Variants in NPAS3 observed in about 807,000 individuals in gnomAD.
The protein encoded by NPAS3 is neuronal PAS domain protein 3.
In NPAS3, 14 loss-of-function variants were observed where a neutral mutation model predicts 73.1. That is an observed-to-expected ratio of 0.19 (90% CI 0.13 to 0.30). The LOEUF (loss-of-function observed/expected upper bound fraction) is 0.30, where lower values mean the gene tolerates loss of function less well. Ranked by LOEUF, NPAS3 falls within the 10% of genes least tolerant of loss-of-function variation. NPAS3 has a pLI of 1.00. For missense variants in NPAS3, 1,096 were observed against 1,250.0 expected, an observed-to-expected ratio of 0.88 and a Z score of 1.86; for synonymous variants, 620 against 541.5, an observed-to-expected ratio of 1.14 and a Z score of -2.01.
chr14:33,325,863 T>C (rs183221597), intron 3 of NPAS3, among the ~76,000 whole-genome samples: 4 of 152,090 alleles, frequency 2.6e-5, no homozygotes, highest in Admixed American at 2.6e-4. Flanking sequence ...TTTTCAAATA[T>C]TTTGAAGTTA....
intron 2 of NPAS3, among the ~76,000 whole-genome samples, chr14:33,212,018 C>G (rs1453628211): frequency 6.6e-6 from 1 of 152,180 alleles, no homozygotes; most frequent in African/African-American, 2.4e-5. Context: ...AGACATACAA[C>G]CACAATACTT....
chr14:33,596,026 G>A (rs964697496), intron 5 of NPAS3, among the ~76,000 whole-genome samples: 1 of 152,124 alleles, frequency 6.6e-6, no homozygotes, highest in Non-Finnish European at 1.5e-5. Context: ...ACTTTACGTC[G>A]GTACCAATGT....
At chr14:33,237,172 T>C (rs903971414) in intron 3 of NPAS3, among the ~76,000 whole-genome samples, 9 of 152,074 alleles carry the variant, frequency 5.9e-5, no homozygotes, top group African/African-American at 2.2e-4. Context: ...ACTATAGAAA[T>C]GGAGTGTGGT....
At chr14:33,450,592 A>C (rs1353513571) in intron 4 of NPAS3, among the ~76,000 whole-genome samples, 1 of 152,152 alleles carries the variant, frequency 6.6e-6, no homozygotes, top group Non-Finnish European at 1.5e-5. Flanking sequence ...TCTTCATGGA[A>C]TCTTTCCTTA....
intron 6 of NPAS3, among the ~76,000 whole-genome samples, chr14:33,717,729 T>C (rs987562559): frequency 2.0e-5 from 3 of 152,140 alleles, no homozygotes; most frequent in African/African-American, 7.2e-5. Flanking sequence ...GGCCATGCTA[T>C]ATAAGCAACA....
At chr14:33,348,779 A>G (rs1365473499) in intron 3 of NPAS3, among the ~76,000 whole-genome samples, 1 of 152,064 alleles carries the variant, frequency 6.6e-6, no homozygotes, top group Non-Finnish European at 1.5e-5. Context: ...TTCCTCTTCT[A>G]TGGGGTTGTA....
intron 4 of NPAS3, among the ~76,000 whole-genome samples, chr14:33,383,647 AC>A (rs1160359222): frequency 6.6e-6 from 1 of 152,218 alleles, no homozygotes. Context: ...GTGATGATTA[AC>A]TGTGCCCAAG....
intron 5 of NPAS3, among the ~76,000 whole-genome samples, chr14:33,625,220 A>G (rs1003628354): frequency 6.6e-6 from 1 of 152,264 alleles, no homozygotes; most frequent in African/African-American, 2.4e-5. Flanking sequence ...GTCTTGACTA[A>G]TTAAAATATA....
intron 3 of NPAS3, among the ~76,000 whole-genome samples, chr14:33,265,673 C>T (rs1412748313): frequency 6.6e-6 from 1 of 152,086 alleles, no homozygotes; most frequent in East Asian, 1.9e-4. Context: ...TAGTAATTCA[C>T]CCAAGGTAAA....
intron 6 of NPAS3, among the ~76,000 whole-genome samples, chr14:33,690,884 A>AC (rs1199787400): frequency 6.6e-6 from 1 of 152,082 alleles, no homozygotes; most frequent in Non-Finnish European, 1.5e-5. Context: ...AAAAAAAAAA[A>AC]AAAACGATTC....
chr14:33,581,344 C>T (rs2056654893), intron 5 of NPAS3, among the ~76,000 whole-genome samples: 1 of 152,018 alleles, frequency 6.6e-6, no homozygotes, highest in Non-Finnish European at 1.5e-5. Context: ...CCTGACAAGT[C>T]CTTTAATTAA....
At chr14:33,434,170 C>T (rs569773277) in intron 4 of NPAS3, among the ~76,000 whole-genome samples, 11 of 151,972 alleles carry the variant, frequency 7.2e-5, no homozygotes, top group African/African-American at 2.7e-4. Context: ...CCAGCCTGGG[C>T]AGCAAGAGCA....
At chr14:33,687,627 T>C (rs2060126030) in intron 6 of NPAS3, among the ~76,000 whole-genome samples, 2 of 152,232 alleles carry the variant, frequency 1.3e-5, no homozygotes, top group African/African-American at 4.8e-5. Context: ...AAAGTGAATT[T>C]AAAATTTGAC....
intron 4 of NPAS3, among the ~76,000 whole-genome samples, chr14:33,469,069 A>G (rs947337323): frequency 3.3e-5 from 5 of 152,258 alleles, no homozygotes; most frequent in Admixed American, 2.6e-4. Context: ...ATCCATCTTT[A>G]TTACTGATGT....
chr14:32,937,852 G>C (rs185597402), upstream of NPAS3, among the ~76,000 whole-genome samples: 46 of 152,248 alleles, frequency 3.0e-4, no homozygotes, highest in African/African-American at 1.0e-3. Context: ...CCAAGTCTCT[G>C]CGTAAAAAGC....
chr14:33,686,638 TAAGAA>T (rs1050079379), intron 6 of NPAS3, among the ~76,000 whole-genome samples: 9 of 152,100 alleles, frequency 5.9e-5, no homozygotes, highest in South Asian at 2.1e-4. Flanking sequence ...ATGAGAGGCC[TAAGAA>T]AAGAACAGTT....
chr14:33,285,279 C>T (rs1396940943), intron 3 of NPAS3, among the ~76,000 whole-genome samples: 2 of 152,078 alleles, frequency 1.3e-5, no homozygotes, highest in East Asian at 3.9e-4. Flanking sequence ...TCTTTACACA[C>T]AGATGAAAAA....
At chr14:33,162,932 G>A (rs1453454698) in intron 2 of NPAS3, among the ~76,000 whole-genome samples, 1 of 152,152 alleles carries the variant, frequency 6.6e-6, no homozygotes, top group Non-Finnish European at 1.5e-5. Flanking sequence ...AGAACTGGCT[G>A]CTATGTACTC....
At chr14:33,318,255 A>G (rs544684820) in intron 3 of NPAS3, among the ~76,000 whole-genome samples, 16 of 152,250 alleles carry the variant, frequency 1.1e-4, no homozygotes, top group African/African-American at 3.8e-4. Context: ...AAAGACAAGT[A>G]CTATATGATT....
Sources: gnomAD v4.1 joint callset for allele counts (sites outside exome capture counted in the v4.1 genomes callset) on GRCh38, gnomAD v4.1.1 for gene constraint, MANE v1.5 for transcripts, NCBI Gene and HGNC (gene_info 2026-07-23, HGNC 2026-07-21) for gene names.